Variants in ACTR3 observed in about 807,000 individuals in gnomAD.
The protein encoded by ACTR3 is actin related protein 3.
A neutral mutation model predicts 56.8 loss-of-function variants in ACTR3; 12 were observed. The ratio of observed to expected loss-of-function variants is 0.21; its 90% CI spans 0.14 to 0.34. The LOEUF is 0.34. Among genes scored for constraint, ACTR3 ranks in the 10% least tolerant of loss-of-function variants. The pLI, the probability that ACTR3 is intolerant of heterozygous loss-of-function variation, is 1.00. For missense variants in ACTR3, 282 were observed against 512.5 expected, an observed-to-expected ratio of 0.55 and a Z score of 4.34; for synonymous variants, 162 against 167.4, an observed-to-expected ratio of 0.97 and a Z score of 0.25.
At chr2:113,928,662 A>G (rs1679662120) in intron 4 of ACTR3, among the ~76,000 whole-genome samples, 1 of 151,792 alleles carries the variant, frequency 6.6e-6, no homozygotes, top group Non-Finnish European at 1.5e-5. Flanking sequence ...TAGCAGCCAT[A>G]GACAATACTT....
intron 1 of ACTR3, among the ~76,000 whole-genome samples, chr2:113,900,501 A>G (rs1027450274): frequency 3.3e-5 from 5 of 152,232 alleles, no homozygotes; most frequent in Non-Finnish European, 7.3e-5. Flanking sequence ...AATCTTTGAA[A>G]GCAAAATTAA....
chr2:113,955,396 A>C (rs1296464875), intron 10 of ACTR3: 4 of 382,646 alleles, frequency 1.0e-5, no homozygotes, highest in African/African-American at 4.2e-5. Context: ...ACATGTGCTC[A>C]TTGTTATTTC....
rs1283329223 is a variant in ACTR3, at chr2:113,959,272, T to C, written c.*1817T>C. 6.6e-6 allele frequency: 1 copy of C among 152,056 alleles called. No individual in the cohort carries two copies. The highest frequency in any genetic ancestry group is 2.4e-5 in the African/African-American group (1 of 41,456). The allele number at this position is 152,056 out of a possible 1,614,324, so 9.4% of individuals were successfully genotyped here. On this transcript the variant is annotated 3_prime_UTR_variant, in exon 12 of 12. Transcript: ENST00000263238. ...TTCTTATTTTACACAAATAGGAACT[T>C]ACTGTATATACTGTTCTGCACTTTG...
chr2:113,959,411 G>A lies in ACTR3; in HGVS notation c.*1956G>A, dbSNP rs944109248. On this transcript the variant is annotated 3_prime_UTR_variant, in exon 12 of 12. Coordinates refer to ENST00000263238, the MANE Select transcript of ACTR3 (RefSeq NM_005721.5). ...TCATAAATATGTCTTTTCCACCGGC[G>A]ATGGTTGGGTAGTTAAGTGAATAAG... The A allele has an allele frequency of 2.0e-5, 3 of 151,972 alleles. No individual in the cohort carries two copies. Among genetic ancestry groups the A allele is most frequent in the Non-Finnish European group, 2.9e-5 (2 of 67,928 alleles). 9.4% of individuals were successfully genotyped at this position (151,972 alleles called of 1,614,324 possible).
chr2:113,923,144 G>A (rs1679541726), intron 3 of ACTR3, among the ~76,000 whole-genome samples: 2 of 152,088 alleles, frequency 1.3e-5, no homozygotes. Flanking sequence ...CCTACCTTCT[G>A]TCCTCAGCAA....
intron 1 of ACTR3, among the ~76,000 whole-genome samples, chr2:113,898,195 A>G (rs1472540720): frequency 1.3e-5 from 2 of 152,048 alleles, no homozygotes; most frequent in African/African-American, 2.4e-5. Context: ...TGCTTCTGCT[A>G]TAAGCATTTT....
chr2:113,920,708 T>G (rs992327994), intron 3 of ACTR3, among the ~76,000 whole-genome samples: 3 of 152,210 alleles, frequency 2.0e-5, no homozygotes, highest in African/African-American at 7.2e-5. Flanking sequence ...GAAGTCAATT[T>G]TTTTAGCTTT....
intron 1 of ACTR3, among the ~76,000 whole-genome samples, chr2:113,893,612 C>G (rs755890216): frequency 6.6e-6 from 1 of 152,062 alleles, no homozygotes; most frequent in Non-Finnish European, 1.5e-5. Flanking sequence ...TTTTTAAATG[C>G]ATGTTTTTAC....
At chr2:113,929,422 G>A (rs1679679018) in intron 4 of ACTR3, among the ~76,000 whole-genome samples, 2 of 152,046 alleles carry the variant, frequency 1.3e-5, no homozygotes, top group African/African-American at 2.4e-5. Flanking sequence ...ACCATGCCTG[G>A]CTTAGTTCTA....
At chr2:113,906,941 A>G (rs1679205161) in intron 1 of ACTR3, among the ~76,000 whole-genome samples, 1 of 152,130 alleles carries the variant, frequency 6.6e-6, no homozygotes. Flanking sequence ...ATCCTTTGAG[A>G]TCCATATGAA....
intron 1 of ACTR3, among the ~76,000 whole-genome samples, chr2:113,902,075 ATACT>A (rs1220559604): frequency 1.3e-5 from 2 of 152,224 alleles, no homozygotes; most frequent in South Asian, 2.1e-4. Context: ...ACATTTAATT[ATACT>A]TACTTTATCT....
intron 1 of ACTR3, among the ~76,000 whole-genome samples, chr2:113,891,323 G>T (rs996515): frequency 0.3 from 45,214 of 152,004 alleles, 11,065 homozygotes; most frequent in African/African-American, 0.67. Flanking sequence ...TATATAGGAG[G>T]GTGTTTAAGT....
chr2:113,955,386 A>C (rs566035104), intron 10 of ACTR3: 1 of 361,436 alleles, frequency 2.8e-6, no homozygotes, highest in African/African-American at 2.1e-5. Context: ...ACTGTATAAA[A>C]CATGTGCTCA....
At chr2:113,897,996 A>G (rs1014955260) in intron 1 of ACTR3, among the ~76,000 whole-genome samples, 4 of 152,136 alleles carry the variant, frequency 2.6e-5, no homozygotes, top group Admixed American at 6.5e-5. Flanking sequence ...GCTTTTCAGT[A>G]TTTAGTGTAA....
chr2:113,902,633 T>G (rs1679121777), intron 1 of ACTR3, among the ~76,000 whole-genome samples: 1 of 151,966 alleles, frequency 6.6e-6, no homozygotes, highest in Admixed American at 6.5e-5. Flanking sequence ...AGAGTCTCGC[T>G]CTGTCACTCA....
At chr2:113,930,558 C>T (rs1216430693) in intron 4 of ACTR3, among the ~76,000 whole-genome samples, 2 of 152,130 alleles carry the variant, frequency 1.3e-5, no homozygotes, top group African/African-American at 2.4e-5. Context: ...CAGTCAGACT[C>T]ACAAGAATCA....
At chr2:113,933,069 A>ATT (rs1223266980) in intron 5 of ACTR3, among the ~76,000 whole-genome samples, 1 of 152,224 alleles carries the variant, frequency 6.6e-6, no homozygotes, top group Non-Finnish European at 1.5e-5. Flanking sequence ...CACACTTAAA[A>ATT]AAGAATTGTG....
chr2:113,909,241 G>A (rs1172420673), intron 1 of ACTR3, among the ~76,000 whole-genome samples: 5 of 152,116 alleles, frequency 3.3e-5, no homozygotes, highest in African/African-American at 1.2e-4. Flanking sequence ...TGTGTTTTGA[G>A]AAGAGCATTT....
intron 1 of ACTR3, among the ~76,000 whole-genome samples, chr2:113,906,349 G>T (rs1202956877): frequency 1.3e-5 from 2 of 152,016 alleles, no homozygotes; most frequent in Non-Finnish European, 2.9e-5. Context: ...TTTGATTGTT[G>T]TGTTGTTCTT....
Sources: allele counts gnomAD v4.1 joint callset (sites outside exome capture counted in the v4.1 genomes callset), GRCh38; gene constraint gnomAD v4.1.1; transcripts MANE v1.5; gene names NCBI Gene and HGNC (gene_info 2026-07-23, HGNC 2026-07-21).